ROS1: variants seen among roughly 807,000 people sequenced by gnomAD.
ROS1 encodes ROS proto-oncogene 1, receptor tyrosine kinase.
A neutral mutation model predicts 273.5 loss-of-function variants in ROS1; 263 were observed. The ratio of observed to expected loss-of-function variants is 0.96; its 90% CI spans 0.87 to 1.06. The LOEUF is 1.06. Ranked by LOEUF, ROS1 falls within the 50% of genes least tolerant of loss-of-function variation. The probability of loss-of-function intolerance (pLI) is 0.00; values close to 1 mark genes in which losing one functional copy is unlikely to be tolerated. For synonymous variants in ROS1, 1,008 were observed against 954.1 expected, an observed-to-expected ratio of 1.06 and a Z score of -1.04; for missense variants, 2,833 against 2,751.1, an observed-to-expected ratio of 1.03 and a Z score of -0.67.
Position 117,405,383 on chromosome 6 carries a change from T to C in ROS1, c.317-955A>G, listed in dbSNP as rs570542063. 5.9e-5 allele frequency among the ~76,000 whole-genome samples: 9 copies of C among 152,318 alleles called. No homozygotes were observed. The South Asian group carries it at 1.5e-3, about 25-fold the overall frequency. On this transcript the variant is annotated intron_variant, in intron 5 of 43. Transcript: ENST00000368507. Reference sequence around the variant, plus strand: ...AACCCTTCTCTGCTTATTCTTCTTTTTATAGTCCATTTTTGACTATTATAA... The same window carrying C: ...AACCCTTCTCTGCTTATTCTTCTTTCTATAGTCCATTTTTGACTATTATAA...
intron 26 of ROS1, 113 bp from the exon 27 acceptor site, chr6:117,353,279 ATTTC>A: frequency 1.4e-6 from 1 of 706,600 alleles, no homozygotes; most frequent in Middle Eastern, 3.7e-4. Context: ...TGAATCTATT[ATTTC>A]AACATTAAAA....
intron 21 of ROS1, among the ~76,000 whole-genome samples, chr6:117,364,290 A>T (rs1780030206): frequency 6.6e-6 from 1 of 152,200 alleles, no homozygotes; most frequent in African/African-American, 2.4e-5. Context: ...AGCTCTTACC[A>T]CCTGCCAAAT....
At chr6:117,352,235 T>G (rs2067098346) in intron 27 of ROS1, among the ~76,000 whole-genome samples, 1 of 152,282 alleles carries the variant, frequency 6.6e-6, no homozygotes, top group East Asian at 1.9e-4. Context: ...CACCTGCCAC[T>G]ACGCTGGGCT....
At chr6:117,295,005 A>C (rs1002709269) in intron 43 of ROS1, among the ~76,000 whole-genome samples, 1 of 152,212 alleles carries the variant, frequency 6.6e-6, no homozygotes, top group African/African-American at 2.4e-5. Context: ...AGCCAAAGCT[A>C]TCCTAAGCAA....
chr6:117,350,566 A>G (rs1488858825), intron 27 of ROS1, among the ~76,000 whole-genome samples: 1 of 151,230 alleles, frequency 6.6e-6, no homozygotes, highest in East Asian at 1.9e-4. Context: ...TTTTTCAAAT[A>G]TTTCCTCCAA....
chr6:117,373,479 C>T (rs754561188), intron 18 of ROS1, among the ~76,000 whole-genome samples: 51 of 152,218 alleles, frequency 3.4e-4, no homozygotes, highest in Non-Finnish European at 5.0e-4. Flanking sequence ...CGCGGGCAGG[C>T]CAGCAGTGCT....
At chr6:117,346,543 G>A (rs531934686) in intron 27 of ROS1, among the ~76,000 whole-genome samples, 23 of 151,354 alleles carry the variant, frequency 1.5e-4, no homozygotes, top group Admixed American at 1.4e-3. Flanking sequence ...TGTGTGTGTC[G>A]TTCAACTTCA....
At chr6:117,337,077 G>T in intron 32 of ROS1, 95 bp downstream of exon 32, 1 of 996,518 alleles carries the variant, frequency 1.0e-6, no homozygotes, top group Non-Finnish European at 1.5e-6. Flanking sequence ...TGCTTTTAAA[G>T]AACAATTTCA....
At chr6:117,318,041 T>C (rs1390778993) in intron 38 of ROS1, 147 bp downstream of exon 38, 1 of 647,666 alleles carries the variant, frequency 1.5e-6, no homozygotes, top group African/African-American at 1.8e-5. Flanking sequence ...ATAGACTACT[T>C]GCTCTGCAGA....
intron 32 of ROS1, among the ~76,000 whole-genome samples, chr6:117,330,969 G>A (rs1176388816): frequency 6.6e-6 from 1 of 152,182 alleles, no homozygotes; most frequent in African/African-American, 2.4e-5. Context: ...CATTAAGGGT[G>A]CAGAACTGGG....
intron 43 of ROS1, among the ~76,000 whole-genome samples, chr6:117,296,168 T>G (rs1016854799): frequency 6.6e-6 from 1 of 151,974 alleles, no homozygotes; most frequent in Admixed American, 6.6e-5. Context: ...GAGGCAGAGG[T>G]AGGCGGATCA....
intron 5 of ROS1, among the ~76,000 whole-genome samples, chr6:117,406,419 G>C (rs937642475): frequency 6.6e-6 from 1 of 152,038 alleles, no homozygotes. Context: ...CATTATAACA[G>C]ACTATAGATA....
At chr6:117,400,168 C>A (rs986161662) in intron 7 of ROS1, among the ~76,000 whole-genome samples, 4 of 152,226 alleles carry the variant, frequency 2.6e-5, no homozygotes, top group Non-Finnish European at 4.4e-5. Flanking sequence ...GACACCTGGA[C>A]CTGCCCTTTT....
chr6:117,329,647 G>A (rs548835954), intron 32 of ROS1, among the ~76,000 whole-genome samples: 6 of 152,158 alleles, frequency 3.9e-5, no homozygotes, highest in African/African-American at 9.6e-5. Context: ...GTCCTTCACC[G>A]GCAAGGTATC....
chr6:117,363,131 G>A (rs1384949962), intron 21 of ROS1, among the ~76,000 whole-genome samples: 3 of 152,088 alleles, frequency 2.0e-5, no homozygotes, highest in African/African-American at 7.2e-5. Flanking sequence ...TACCACTTAA[G>A]CACACCTTTC....
intron 12 of ROS1, among the ~76,000 whole-genome samples, chr6:117,391,376 G>A (rs1773051544): frequency 6.6e-6 from 1 of 152,114 alleles, no homozygotes. Flanking sequence ...AAGCAGGGAG[G>A]AAGAGAAAGA....
At chr6:117,356,347 A>G (rs778983854) in intron 26 of ROS1, among the ~76,000 whole-genome samples, 4 of 152,256 alleles carry the variant, frequency 2.6e-5, no homozygotes, top group Non-Finnish European at 5.9e-5. Context: ...TAAATAAAAT[A>G]ATGCATTTAG....
chr6:117,325,868 T>A lies in ROS1; in HGVS notation c.5539+356A>T, dbSNP rs187351477. 7.5e-4 allele frequency among the ~76,000 whole-genome samples: 114 copies of A among 151,930 alleles called. 1 individual carries two copies. In the South Asian group the frequency reaches 0.012, roughly 17 times the overall value. ...AAGGTCTTAGGCCTGTTATGTATAA[T>A]GTAGGAGTGGTCATAAGGCTGGTAT... On this transcript the variant is annotated intron_variant, in intron 34 of 43. Transcript: ENST00000368507.
intron 39 of ROS1, 91 bp downstream of exon 39, chr6:117,317,052 C>T (rs1775970426): frequency 7.6e-7 from 1 of 1,319,876 alleles, no homozygotes. Flanking sequence ...TAAGGTTTTA[C>T]CACTGCAGCC....
Sources: gnomAD v4.1 joint callset for allele counts (sites outside exome capture counted in the v4.1 genomes callset) on GRCh38, gnomAD v4.1.1 for gene constraint, MANE v1.5 for transcripts, NCBI Gene and HGNC (gene_info 2026-07-23, HGNC 2026-07-21) for gene names.